Variants in GABRB2 observed in about 807,000 individuals in gnomAD.
The protein encoded by GABRB2 is gamma-aminobutyric acid type A receptor subunit beta2, also known as gamma-aminobutyric acid receptor subunit beta-2.
A neutral mutation model predicts 54.7 loss-of-function variants in GABRB2; 16 were observed. The ratio of observed to expected loss-of-function variants is 0.29; its 90% CI spans 0.20 to 0.44. The LOEUF (loss-of-function observed/expected upper bound fraction) is 0.44. Ranked by LOEUF, GABRB2 falls within the 20% of genes least tolerant of loss-of-function variation. The pLI is 1.00. For missense variants in GABRB2, 355 were observed against 644.0 expected, an observed-to-expected ratio of 0.55 and a Z score of 4.86; for synonymous variants, 244 against 233.8, an observed-to-expected ratio of 1.04 and a Z score of -0.40.
At chr5:161,336,595 A>G (rs750149339) in intron 6 of GABRB2, 37 bp downstream of exon 6, 38 of 1,604,118 alleles carry the variant, frequency 2.4e-5, no homozygotes, top group Non-Finnish European at 3.0e-5. Context: ...AATACGGTGA[A>G]GATTATTTTC....
chr5:161,356,561 G>C (rs1754633609), intron 5 of GABRB2, among the ~76,000 whole-genome samples: 1 of 152,134 alleles, frequency 6.6e-6, no homozygotes, highest in South Asian at 2.1e-4. Context: ...TCAAAATATT[G>C]AGAGAGTGAG....
At chr5:161,484,756 C>T (rs1039658889) in intron 3 of GABRB2, among the ~76,000 whole-genome samples, 2 of 151,910 alleles carry the variant, frequency 1.3e-5, no homozygotes, top group African/African-American at 2.4e-5. Context: ...TCATGTCTCA[C>T]CTGGATTATT....
rs1173228418 is a variant in GABRB2, at chr5:161,384,097, A to G, written c.541+26878T>C. On this transcript the variant is annotated intron_variant, in intron 5 of 9. Transcript: ENST00000393959. ...GTCCATTGTGTATATACCCACACAT[A>G]TATGCATTTTATGGGAAGATGATTT... Among the ~76,000 whole-genome samples, 3 of 152,156 alleles carry G rather than the reference A, an allele frequency of 2.0e-5. No individual in the cohort carries two copies. The East Asian group carries it at 5.8e-4, about 29-fold the overall frequency.
chr5:161,407,723 A>T (rs1363561151), intron 5 of GABRB2, among the ~76,000 whole-genome samples: 2 of 152,160 alleles, frequency 1.3e-5, no homozygotes, highest in East Asian at 3.9e-4. Context: ...ATGTAGACAA[A>T]ATATGGTGAG....
chr5:161,413,268 CTCTT>C (rs1470090183), intron 4 of GABRB2, among the ~76,000 whole-genome samples: 3 of 151,922 alleles, frequency 2.0e-5, no homozygotes, highest in African/African-American at 7.2e-5. Flanking sequence ...TACATTATTT[CTCTT>C]TTTTTAATTT....
At chr5:161,375,691 T>G (rs745469322) in intron 5 of GABRB2, among the ~76,000 whole-genome samples, 1 of 152,232 alleles carries the variant, frequency 6.6e-6, no homozygotes, top group Non-Finnish European at 1.5e-5. Flanking sequence ...ACTTCAGTTC[T>G]GTAAACCTCC....
intron 5 of GABRB2, among the ~76,000 whole-genome samples, chr5:161,405,561 T>C (rs1304457529): frequency 6.6e-6 from 1 of 152,042 alleles, no homozygotes; most frequent in African/African-American, 2.4e-5. Context: ...CAATACCCTC[T>C]TAATACTACA....
chr5:161,361,376 T>C (rs1754804312), intron 5 of GABRB2, among the ~76,000 whole-genome samples: 1 of 152,162 alleles, frequency 6.6e-6, no homozygotes, highest in South Asian at 2.1e-4. Flanking sequence ...ATAATCCTTA[T>C]CTTTTGGTGT....
chr5:161,546,198 TA>T, intron 2 of GABRB2, 123 bp downstream of exon 2: 1 of 728,448 alleles, frequency 1.4e-6, no homozygotes, highest in Non-Finnish European at 2.4e-6. Flanking sequence ...CTCAATATGG[TA>T]AAATAGAGAC....
Position 161,524,050 on chromosome 5 carries a change from A to G in GABRB2, c.237+21177T>C, listed in dbSNP as rs545300666. ...TAGTCAGATTCCTTTTGAGTTAGACATGACTTGGTTAGAATAGTCAGAAAA... is the reference window on the plus strand; with the variant it reads ...TAGTCAGATTCCTTTTGAGTTAGACGTGACTTGGTTAGAATAGTCAGAAAA... On this transcript the variant is annotated intron_variant, in intron 3 of 9. Transcript: ENST00000393959. Among the ~76,000 whole-genome samples, 4 of 151,508 alleles carry G rather than the reference A, an allele frequency of 2.6e-5. No homozygotes were observed. The East Asian group carries it at 7.8e-4, about 29-fold the overall frequency.
chr5:161,296,665 A>T (rs1029433057), intron 9 of GABRB2, among the ~76,000 whole-genome samples: 1 of 107,470 alleles, frequency 9.3e-6, no homozygotes, highest in African/African-American at 5.7e-5. Context: ...TTCATGAATT[A>T]AAAAAAAAAT....
chr5:161,360,411 T>C (rs1754774966), intron 5 of GABRB2, among the ~76,000 whole-genome samples: 2 of 152,356 alleles, frequency 1.3e-5, no homozygotes, highest in Admixed American at 1.3e-4. Flanking sequence ...ATAATATGGA[T>C]ATCAATAAAA....
At chr5:161,331,738 T>TG (rs1219359252) in intron 7 of GABRB2, among the ~76,000 whole-genome samples, 1 of 151,850 alleles carries the variant, frequency 6.6e-6, no homozygotes, top group Non-Finnish European at 1.5e-5. Context: ...GAGAGCCTAA[T>TG]GGGGGAGTTT....
intron 5 of GABRB2, among the ~76,000 whole-genome samples, chr5:161,366,498 AT>A (rs964701564): frequency 6.6e-6 from 1 of 152,094 alleles, no homozygotes. Flanking sequence ...TTAACTAAAA[AT>A]TTTTTTTCTA....
intron 5 of GABRB2, among the ~76,000 whole-genome samples, chr5:161,364,577 C>G (rs1754919752): frequency 6.6e-6 from 1 of 152,142 alleles, no homozygotes; most frequent in Non-Finnish European, 1.5e-5. Context: ...TGTCTCTACT[C>G]CAACTATCCA....
chr5:161,493,941 T>C (rs542178537), intron 3 of GABRB2, among the ~76,000 whole-genome samples: 2 of 151,934 alleles, frequency 1.3e-5, no homozygotes, highest in South Asian at 2.1e-4. Context: ...TGTGAAGTAA[T>C]TACATATGTT....
chr5:161,546,988 T>C, upstream of GABRB2: 1 of 238,514 alleles, frequency 4.2e-6, no homozygotes, highest in Non-Finnish European at 8.1e-6. Flanking sequence ...AGAGGCAGTT[T>C]TGCACCGAGC....
At chr5:161,366,387 A>C (rs1390912493) in intron 5 of GABRB2, among the ~76,000 whole-genome samples, 1 of 152,082 alleles carries the variant, frequency 6.6e-6, no homozygotes, top group African/African-American at 2.4e-5. Context: ...TGTTCTCCAC[A>C]TTTGGATACT....
chr5:161,326,962 A>T (rs776229476), intron 8 of GABRB2: 9 of 981,564 alleles, frequency 9.2e-6, no homozygotes, highest in Non-Finnish European at 1.1e-5. Context: ...TAAAGCTTAA[A>T]AGAGAAGTAA....
Sources: allele counts gnomAD v4.1 joint callset (sites outside exome capture counted in the v4.1 genomes callset), GRCh38; gene constraint gnomAD v4.1.1; transcripts MANE v1.5; gene names NCBI Gene and HGNC (gene_info 2026-07-23, HGNC 2026-07-21).